Variants in CADPS observed in about 807,000 individuals in gnomAD.
CADPS encodes calcium dependent secretion activator, also known as calcium-dependent secretion activator 1.
Under a neutral mutation model 167.3 loss-of-function variants are expected in CADPS, and 57 were observed. The observed-to-expected ratio is 0.34, with a 90% CI of 0.28 to 0.42. CADPS has a LOEUF of 0.42. Ranked by LOEUF, CADPS falls within the 20% of genes least tolerant of loss-of-function variation. The pLI is 1.00. For synonymous variants in CADPS, 676 were observed against 635.3 expected, an observed-to-expected ratio of 1.06 and a Z score of -0.96; for missense variants, 1,414 against 1,738.1, an observed-to-expected ratio of 0.81 and a Z score of 3.32.
At chr3:62,467,433 A>G (rs2060071612) in intron 24 of CADPS, 1 of 429,898 alleles carries the variant, frequency 2.3e-6, no homozygotes, top group African/African-American at 2.2e-5. Context: ...CTATGTAAAC[A>G]TATGGAAATA....
intron 3 of CADPS, among the ~76,000 whole-genome samples, chr3:62,671,817 C>T (rs1464962337): frequency 1.3e-5 from 2 of 152,066 alleles, no homozygotes; most frequent in Non-Finnish European, 2.9e-5. Context: ...GCTGGAGTGC[C>T]AGTGGCGTGA....
intron 26 of CADPS, among the ~76,000 whole-genome samples, chr3:62,449,798 A>AGTGT (rs71786216): frequency 0.037 from 5,535 of 150,486 alleles, 184 homozygotes; most frequent in African/African-American, 0.092. Flanking sequence ...TTGTTAAAAG[A>AGTGT]GTGTGTGTGT....
At chr3:62,827,092 G>A (rs779188943) in intron 1 of CADPS, among the ~76,000 whole-genome samples, 7 of 152,150 alleles carry the variant, frequency 4.6e-5, no homozygotes, top group Admixed American at 1.3e-4. Flanking sequence ...TTTGATTGCA[G>A]ACAAGATCAG....
In CADPS at chr3:62,557,431, G is replaced by C; in HGVS notation, c.1727C>G (p.Thr576Ser). Residue 576 changes from threonine (T) to serine (S), a missense_variant, in exon 10 of 30, where the codon ACT (threonine) becomes AGT (serine). This residue lies in a region of CADPS where 157 missense variants were observed against 229.4 expected (regional missense o/e 0.68). Coordinates refer to ENST00000383710, the MANE Select transcript of CADPS (RefSeq NM_003716.4). Reference sequence around the variant, plus strand: ...TGGCTGGGGGTCGGTGTAATCCACAGTGTAGCCATCCAATTGTAGAAGTTC... The same window carrying C: ...TGGCTGGGGGTCGGTGTAATCCACACTGTAGCCATCCAATTGTAGAAGTTC... ...PQELLQLDGY[T>S]VDYTDPQPGL... 1 of 1,613,944 alleles carries C rather than the reference G, an allele frequency of 6.2e-7. No homozygotes were observed. Among genetic ancestry groups the C allele is most frequent in the Non-Finnish European group, 8.5e-7 (1 of 1,179,830 alleles).
intron 28 of CADPS, among the ~76,000 whole-genome samples, chr3:62,425,225 C>A (rs892548318): frequency 1.3e-5 from 2 of 152,180 alleles, no homozygotes; most frequent in Non-Finnish European, 2.9e-5. Flanking sequence ...GGTTCAGCCA[C>A]CTCAGCACTA....
At chr3:62,739,799 G>A (rs903885795) in intron 3 of CADPS, among the ~76,000 whole-genome samples, 6 of 152,180 alleles carry the variant, frequency 3.9e-5, no homozygotes, top group African/African-American at 1.4e-4. Flanking sequence ...GACAATTTAG[G>A]TTGAAAACAG....
At chr3:62,603,913 A>ACCTCCC (rs1338142010) in intron 6 of CADPS, among the ~76,000 whole-genome samples, 2 of 147,168 alleles carry the variant, frequency 1.4e-5, no homozygotes, top group South Asian at 2.2e-4. Flanking sequence ...TGCAAGCTCC[A>ACCTCCC]CCTCCCGGGT....
chr3:62,599,016 C>G (rs1444187077), intron 6 of CADPS, among the ~76,000 whole-genome samples: 1 of 152,082 alleles, frequency 6.6e-6, no homozygotes, highest in African/African-American at 2.4e-5. Context: ...GCCACACACC[C>G]AAAAATGAAT....
At chr3:62,573,244 T>G (rs1172310726) in intron 8 of CADPS, among the ~76,000 whole-genome samples, 1 of 152,226 alleles carries the variant, frequency 6.6e-6, no homozygotes, top group African/African-American at 2.4e-5. Context: ...GTAAATACTA[T>G]GTAAATAGTT....
intron 28 of CADPS, among the ~76,000 whole-genome samples, chr3:62,408,098 G>A (rs951341787): frequency 2.0e-5 from 3 of 152,142 alleles, no homozygotes; most frequent in African/African-American, 7.2e-5. Flanking sequence ...CTAGTAAGAA[G>A]CTTAGATCAT....
At chr3:62,750,089 T>A (rs1258336356) in intron 3 of CADPS, among the ~76,000 whole-genome samples, 2 of 152,136 alleles carry the variant, frequency 1.3e-5, no homozygotes, top group South Asian at 4.1e-4. Context: ...CGGTGGCTCA[T>A]GCCTATAATC....
rs79199941 is a variant in CADPS, at chr3:62,759,034, G to A, written c.556-5261C>T. On this transcript the variant is annotated intron_variant, in intron 2 of 29. Coordinates refer to ENST00000383710, the MANE Select transcript of CADPS (RefSeq NM_003716.4). ...CTAGATGTTGGAGTAAGTAAGGTTT[G>A]CAAGAAACACACACCTCGTTGCTAT... Among the ~76,000 whole-genome samples, 504 of 152,284 alleles carry A rather than the reference G, an allele frequency of 3.3e-3. 3 individuals carry two copies. The highest frequency in any genetic ancestry group is 0.03 in the South Asian group (144 of 4,826).
At chr3:62,595,152 T>C (rs1435633035) in intron 6 of CADPS, among the ~76,000 whole-genome samples, 1 of 151,780 alleles carries the variant, frequency 6.6e-6, no homozygotes, top group Non-Finnish European at 1.5e-5. Context: ...CCAGAAAAAT[T>C]GAGATGAGGG....
chr3:62,754,349 T>C (rs1319697950), intron 2 of CADPS, among the ~76,000 whole-genome samples: 2 of 151,954 alleles, frequency 1.3e-5, no homozygotes, highest in Non-Finnish European at 2.9e-5. Flanking sequence ...ATTTATTTAT[T>C]TATTTATTTT....
chr3:62,866,097 A>G (rs1328267675), intron 1 of CADPS, among the ~76,000 whole-genome samples: 1 of 152,174 alleles, frequency 6.6e-6, no homozygotes, highest in Non-Finnish European at 1.5e-5. Flanking sequence ...TGGTGATTCA[A>G]GTTCAACTAG....
At chr3:62,596,232 G>C (rs1481310075) in intron 6 of CADPS, among the ~76,000 whole-genome samples, 1 of 141,564 alleles carries the variant, frequency 7.1e-6, no homozygotes, top group Non-Finnish European at 1.5e-5. Context: ...GTGTCGTTCT[G>C]TTGCCCAGGC....
intron 17 of CADPS, among the ~76,000 whole-genome samples, chr3:62,507,066 C>CT (rs945944473): frequency 6.6e-5 from 10 of 151,870 alleles, no homozygotes; most frequent in Non-Finnish European, 1.3e-4. Context: ...TATTTGAGTT[C>CT]TTTTTTTTCT....
At chr3:62,853,360 C>T (rs2079002953) in intron 1 of CADPS, among the ~76,000 whole-genome samples, 1 of 151,954 alleles carries the variant, frequency 6.6e-6, no homozygotes, top group East Asian at 1.9e-4. Flanking sequence ...TGTGGTGGCT[C>T]ACACCTGTAA....
At chr3:62,542,539 T>C (rs1577462405) in intron 11 of CADPS, among the ~76,000 whole-genome samples, 1 of 152,128 alleles carries the variant, frequency 6.6e-6, no homozygotes, top group East Asian at 1.9e-4. Context: ...GCCTGAGCTC[T>C]GCACAGCAAG....
Sources: gnomAD v4.1 joint callset for allele counts (sites outside exome capture counted in the v4.1 genomes callset) on GRCh38, gnomAD v4.1.1 for gene constraint, gnomAD v4.1.1 regional missense constraint, MANE v1.5 for transcripts, NCBI Gene and HGNC (gene_info 2026-07-23, HGNC 2026-07-21) for gene names.